The following COL22A1 variants were observed in gnomAD, a reference collection of about 807,000 sequenced individuals.
COL22A1 encodes the protein collagen alpha-1(XXII) chain.
A neutral mutation model predicts 248.9 loss-of-function variants in COL22A1; 221 were observed. The ratio of observed to expected loss-of-function variants is 0.89; its 90% confidence interval spans 0.80 to 0.99. The LOEUF (loss-of-function observed/expected upper bound fraction) is 0.99, where lower values mean the gene tolerates loss of function less well. Among genes scored for constraint, COL22A1 ranks in the 50% least tolerant of loss-of-function variants. The pLI, the probability that COL22A1 is intolerant of heterozygous loss-of-function variation, is 0.00. For missense variants in COL22A1, 2,240 were observed against 2,179.0 expected, an observed-to-expected ratio of 1.03 and a Z score of -0.56; for synonymous variants, 891 against 793.4, an observed-to-expected ratio of 1.12 and a Z score of -2.07.
intron 2 of COL22A1, among the ~76,000 whole-genome samples, chr8:138,880,979 G>A (rs1000050369): frequency 1.3e-5 from 2 of 152,252 alleles, no homozygotes; most frequent in Non-Finnish European, 2.9e-5. Context: ...GTGTGCCCGT[G>A]AGGCTGGAGT....
At chr8:138,778,476 A>G in intron 14 of COL22A1, 70 bp from the exon 15 acceptor site, 1 of 1,355,460 alleles carries the variant, frequency 7.4e-7, no homozygotes. Flanking sequence ...CGTACAGCTC[A>G]GCCAGTCCCA....
Position 138,808,930 on chromosome 8 carries a change from T to C in COL22A1, c.1450-1118A>G, listed in dbSNP as rs572619476. Among the ~76,000 whole-genome samples the C allele has an allele frequency of 7.2e-5, 11 of 152,368 alleles. No homozygotes were observed. In the South Asian group the frequency reaches 1.7e-3, roughly 23 times the overall value. On this transcript the variant is annotated intron_variant, in intron 9 of 64. Coordinates refer to ENST00000303045, the MANE Select transcript of COL22A1 (RefSeq NM_152888.3). ...TATAGAGATGCAACACCAGGCATCA[T>C]GTTGACCTAGCTGAATAATGAAAAT...
chr8:138,653,950 C>T (rs575561135), intron 45 of COL22A1, among the ~76,000 whole-genome samples: 7 of 152,346 alleles, frequency 4.6e-5, no homozygotes, highest in African/African-American at 1.7e-4. Flanking sequence ...AGTGAGTCTC[C>T]ACAGGCTACC....
intron 45 of COL22A1, among the ~76,000 whole-genome samples, chr8:138,654,149 T>C (rs1317674984): frequency 1.3e-5 from 2 of 152,190 alleles, no homozygotes; most frequent in Non-Finnish European, 2.9e-5. Context: ...CATCTTGAGG[T>C]TGAAATCCTC....
At position 138,737,561 on chromosome 8, in the gene COL22A1, A is replaced by C. The variant is rs766472840; in HGVS notation, c.2102T>G (p.Met701Arg). 1.7e-5 allele frequency: 28 copies of C among 1,611,400 alleles called. No homozygotes were observed. The South Asian group carries it at 3.0e-4, about 17-fold the overall frequency. ...LQGLRGKKGDMGPPGIPGLLG... is the reference protein window; with the variant it reads ...LQGLRGKKGDRGPPGIPGLLG... ...CAATCCAGGGATTCCAGGTGGTCCC[A>C]TGTCACCTTTCTTCCCCTGAGTGTA... Residue 701 changes from methionine to arginine, a missense_variant, in exon 23 of 65, where the codon ATG (methionine) becomes AGG (arginine). By Grantham distance (91) the Met-to-Arg change is moderately conservative. Transcript: ENST00000303045.
At chr8:138,652,196 A>C (rs2130577321) in intron 45 of COL22A1, among the ~76,000 whole-genome samples, 1 of 152,320 alleles carries the variant, frequency 6.6e-6, no homozygotes, top group East Asian at 1.9e-4. Flanking sequence ...GAATGTATTG[A>C]AACTGGATAG....
At chr8:138,893,213 T>G (rs972290542) in intron 1 of COL22A1, among the ~76,000 whole-genome samples, 1 of 152,334 alleles carries the variant, frequency 6.6e-6, no homozygotes, top group South Asian at 2.1e-4. Flanking sequence ...CTGAGTACTT[T>G]CTACATGCCA....
intron 13 of COL22A1, 128 bp downstream of exon 13, chr8:138,780,799 A>G (rs576640214): frequency 5.1e-6 from 4 of 786,048 alleles, no homozygotes; most frequent in African/African-American, 3.4e-5. Flanking sequence ...CGAGGATCCT[A>G]ATATAAATAC....
At chr8:138,723,086 C>T (rs1040030368) in intron 25 of COL22A1, among the ~76,000 whole-genome samples, 2 of 152,014 alleles carry the variant, frequency 1.3e-5, no homozygotes, top group Non-Finnish European at 2.9e-5. Context: ...ATGTGTCAGG[C>T]ACACACACTC....
Position 138,594,010 on chromosome 8 carries a change from C to A in COL22A1, c.4615+7G>T. The A allele has an allele frequency of 6.5e-7, 1 of 1,544,070 alleles. No individual in the cohort carries two copies. Among genetic ancestry groups the A allele is most frequent in the Admixed American group, 2.3e-5 (1 of 43,364 alleles). On this transcript the variant is annotated splice_region_variant and intron_variant, in intron 63 of 64. Transcript: ENST00000303045. Reference sequence around the variant, plus strand: ...ACGGAGCATATCTCCTCCAGGTCTTCACTCACCTTTGGGACCTATGGGTCC... The same window carrying A: ...ACGGAGCATATCTCCTCCAGGTCTTAACTCACCTTTGGGACCTATGGGTCC...
At chr8:138,820,662 T>C (rs1819039192) in intron 7 of COL22A1, among the ~76,000 whole-genome samples, 1 of 152,180 alleles carries the variant, frequency 6.6e-6, no homozygotes, top group African/African-American at 2.4e-5. Flanking sequence ...AAAAAATCTG[T>C]ATTTAAATTT....
intron 60 of COL22A1, 29 bp downstream of exon 60, chr8:138,602,086 T>C (rs1224136123): frequency 6.2e-7 from 1 of 1,613,718 alleles, no homozygotes; most frequent in Non-Finnish European, 8.5e-7. Flanking sequence ...GCGTTCGGCG[T>C]GTTCAAGGTG....
At chr8:138,879,126 A>G (rs373358756) in intron 2 of COL22A1, among the ~76,000 whole-genome samples, 1 of 152,190 alleles carries the variant, frequency 6.6e-6, no homozygotes, top group Non-Finnish European at 1.5e-5. Flanking sequence ...TTATTTCCAT[A>G]TAATTATTGA....
chr8:138,739,737 A>G (rs1363843088), intron 22 of COL22A1, among the ~76,000 whole-genome samples: 2 of 152,206 alleles, frequency 1.3e-5, no homozygotes, highest in Non-Finnish European at 1.5e-5. Context: ...CACTGAGGAT[A>G]GCAGTGAAAA....
At chr8:138,906,492 A>C (rs1815032544) in intron 1 of COL22A1, among the ~76,000 whole-genome samples, 1 of 152,190 alleles carries the variant, frequency 6.6e-6, no homozygotes, top group Non-Finnish European at 1.5e-5. Context: ...ATCATGTATC[A>C]GTGTAACAGA....
At chr8:138,787,764 C>T (rs1372386265) in intron 12 of COL22A1, among the ~76,000 whole-genome samples, 1 of 152,116 alleles carries the variant, frequency 6.6e-6, no homozygotes, top group Non-Finnish European at 1.5e-5. Context: ...GTCTTCCACC[C>T]CTGCCTCTCC....
intron 16 of COL22A1, among the ~76,000 whole-genome samples, chr8:138,762,934 C>A (rs1833613802): frequency 6.6e-6 from 1 of 152,196 alleles, no homozygotes; most frequent in Non-Finnish European, 1.5e-5. Flanking sequence ...CGGTAAGCCA[C>A]CATCTGCGCA....
intron 10 of COL22A1, 75 bp from the exon 11 acceptor site, chr8:138,803,009 G>A (rs113030874): frequency 4.4e-5 from 52 of 1,169,666 alleles, no homozygotes; most frequent in African/African-American, 3.5e-4. Flanking sequence ...GGACCCTCAC[G>A]GCCAACCTTG....
chr8:138,756,866 C>T (rs1487261066), intron 18 of COL22A1, among the ~76,000 whole-genome samples: 1 of 152,156 alleles, frequency 6.6e-6, no homozygotes, highest in Non-Finnish European at 1.5e-5. Flanking sequence ...CCTCACTTTT[C>T]ACAGCATCAA....
Sources: gnomAD v4.1 joint callset for allele counts (sites outside exome capture counted in the v4.1 genomes callset) on GRCh38, gnomAD v4.1.1 for gene constraint, MANE v1.5 for transcripts, NCBI Gene and HGNC (gene_info 2026-07-23, HGNC 2026-07-21) for gene names.